ATP8A1: variants seen among roughly 807,000 people sequenced by gnomAD.
The protein encoded by ATP8A1 is phospholipid-transporting ATPase IA.
A neutral mutation model predicts 177.7 loss-of-function variants in ATP8A1; 90 were observed. That is an observed-to-expected ratio of 0.51 (90% CI 0.43 to 0.60). The LOEUF (loss-of-function observed/expected upper bound fraction) is 0.60. Ranked by LOEUF, ATP8A1 falls within the 20% of genes least tolerant of loss-of-function variation. The probability of loss-of-function intolerance (pLI) is 0.00; values close to 1 mark genes in which losing one functional copy is unlikely to be tolerated. For synonymous variants in ATP8A1, 493 were observed against 485.9 expected (o/e 1.01, Z -0.19); for missense variants, 1,072 against 1,392.8 (o/e 0.77, Z 3.67).
intron 25 of ATP8A1, among the ~76,000 whole-genome samples, chr4:42,474,002 A>T (rs997941534): frequency 3.3e-5 from 5 of 152,116 alleles, no homozygotes; most frequent in Admixed American, 3.3e-4. Context: ...TCTCTGCCTC[A>T]TGACCTTCCT....
In ATP8A1 at chr4:42,575,674, G is replaced by C; in HGVS notation, c.1154C>G (p.Thr385Arg). 1 of 1,613,602 alleles carries C rather than the reference G, an allele frequency of 6.2e-7. No individual in the cohort carries two copies. Among genetic ancestry groups the C allele is most frequent in the Non-Finnish European group, 8.5e-7 (1 of 1,179,666 alleles). ...NWDLDMHYEP[T>R]DTAAMARTSN... The stretch of plus-strand genomic sequence containing the variant: ...TGTTCGAGCCATAGCAGCAGTGTCT[G>C]TGGGTTCATAGTGCATGTCAAGATC... Residue 385 changes from threonine (T) to arginine (R), a missense_variant, in exon 13 of 37, where the codon ACA becomes AGA. By Grantham distance (71) the Thr-to-Arg change is moderately conservative (BLOSUM62 -1). Coordinates refer to ENST00000381668, the MANE Select transcript of ATP8A1 (RefSeq NM_006095.2).
chr4:42,572,316 T>G (rs559843064), intron 14 of ATP8A1, among the ~76,000 whole-genome samples: 10 of 148,954 alleles, frequency 6.7e-5, no homozygotes, highest in Middle Eastern at 3.4e-3. Context: ...ATTCCCATAA[T>G]CCAAGAGTGC....
At chr4:42,485,104 G>C (rs1370939130) in intron 25 of ATP8A1, among the ~76,000 whole-genome samples, 1 of 152,104 alleles carries the variant, frequency 6.6e-6, no homozygotes, top group African/African-American at 2.4e-5. Context: ...AAAATGCCCA[G>C]CTATTTGGAA....
At chr4:42,577,457 T>C (rs1263049998) in intron 12 of ATP8A1, among the ~76,000 whole-genome samples, 1 of 152,156 alleles carries the variant, frequency 6.6e-6, no homozygotes, top group Non-Finnish European at 1.5e-5. Flanking sequence ...GTCATATTTT[T>C]CGAAACCCTA....
intron 16 of ATP8A1, 38 bp downstream of exon 16, chr4:42,555,929 TA>T: frequency 1.4e-6 from 2 of 1,399,954 alleles, no homozygotes; most frequent in Non-Finnish European, 2.0e-6. Flanking sequence ...CATTAGTTTT[TA>T]TTCACTAACA....
At chr4:42,486,599 G>T (rs552892434) in intron 24 of ATP8A1, among the ~76,000 whole-genome samples, 6 of 152,208 alleles carry the variant, frequency 3.9e-5, no homozygotes, top group African/African-American at 1.4e-4. Flanking sequence ...GTTAAAAATC[G>T]TGTTAATTTA....
At chr4:42,551,536 T>C (rs907185263) in intron 17 of ATP8A1, among the ~76,000 whole-genome samples, 2 of 152,206 alleles carry the variant, frequency 1.3e-5, no homozygotes, top group Admixed American at 6.5e-5. Context: ...TAGTCACAAA[T>C]TCCTAAGAAG....
intron 19 of ATP8A1, among the ~76,000 whole-genome samples, chr4:42,545,558 A>G (rs1238792760): frequency 6.6e-6 from 1 of 152,204 alleles, no homozygotes; most frequent in East Asian, 1.9e-4. Flanking sequence ...ACATTCCAAC[A>G]AGCTTGCTCT....
intron 1 of ATP8A1, among the ~76,000 whole-genome samples, chr4:42,649,130 G>C (rs114039608): frequency 4.6e-5 from 7 of 152,140 alleles, no homozygotes; most frequent in Non-Finnish European, 1.0e-4. Flanking sequence ...AAACTGAAAT[G>C]ACCTAAATGT....
chr4:42,632,778 G>A (rs889328993), intron 1 of ATP8A1, among the ~76,000 whole-genome samples: 2 of 152,264 alleles, frequency 1.3e-5, no homozygotes, highest in African/African-American at 2.4e-5. Flanking sequence ...CCACTTAGGG[G>A]CTGTGAGGTG....
Position 42,423,641 on chromosome 4 carries a change from A to T in ATP8A1, c.3188T>A (p.Leu1063Gln), listed in dbSNP as rs1397687838. ...CACCTTGTACACCACATCAAGGAGC[A>T]GAGATGCCACAGGGATGAATAACAA... ...MGLLFIPVAS[L>Q]LLDVVYKVIK... The change falls in exon 34 of 37, where the codon CTG (leucine) becomes CAG (glutamine). Residue 1063 changes from leucine (L) to glutamine (Q), a missense_variant. By Grantham distance (113) the Leu-to-Gln change is moderately radical. Coordinates refer to ENST00000381668, the MANE Select transcript of ATP8A1 (RefSeq NM_006095.2). 6.2e-7 allele frequency: 1 copy of T among 1,612,358 alleles called. No individual in the cohort carries two copies. Among genetic ancestry groups the T allele is most frequent in the Non-Finnish European group, 8.5e-7 (1 of 1,179,192 alleles).
At chr4:42,529,464 G>A (rs1175450435) in intron 20 of ATP8A1, among the ~76,000 whole-genome samples, 1 of 152,194 alleles carries the variant, frequency 6.6e-6, no homozygotes, top group African/African-American at 2.4e-5. Flanking sequence ...CATCAAGTGG[G>A]TCATGCACCA....
intron 5 of ATP8A1, among the ~76,000 whole-genome samples, chr4:42,606,106 T>A (rs1563846): frequency 0.57 from 86,308 of 152,050 alleles, 24,660 homozygotes; most frequent in South Asian, 0.67. Context: ...CTTTAATGAA[T>A]AGCAGAGATA....
At chr4:42,548,867 T>C in intron 19 of ATP8A1, 146 bp downstream of exon 19, 2 of 633,340 alleles carry the variant, frequency 3.2e-6, no homozygotes, top group Admixed American at 3.4e-5. Flanking sequence ...GAATAAAAAA[T>C]GTACTAAAGA....
chr4:42,544,877 C>A (rs888083155), intron 19 of ATP8A1, among the ~76,000 whole-genome samples: 2 of 152,072 alleles, frequency 1.3e-5, no homozygotes, highest in Non-Finnish European at 2.9e-5. Flanking sequence ...TATTTCAGTT[C>A]CCGGCCTGGC....
intron 1 of ATP8A1, among the ~76,000 whole-genome samples, chr4:42,641,650 A>C (rs1470899854): frequency 6.6e-6 from 1 of 152,236 alleles, no homozygotes. Context: ...CATTGACTTC[A>C]GTAGCAGTGT....
chr4:42,575,565 ACCACACCAAATCTAACTTTTTAATT>A (rs1162359282), intron 13 of ATP8A1, 32 bp downstream of exon 13: 24 of 1,445,344 alleles, frequency 1.7e-5, no homozygotes, highest in Non-Finnish European at 2.2e-5. Context: ...TATGGCAGAT[ACCACACCAAATCTAACTTTTTAATT>A]CCACACATAA....
chr4:42,612,625 A>G (rs1388527819), intron 5 of ATP8A1, among the ~76,000 whole-genome samples: 2 of 151,674 alleles, frequency 1.3e-5, no homozygotes, highest in African/African-American at 4.8e-5. Flanking sequence ...TGAATCATCA[A>G]CCAAACCAGC....
chr4:42,465,944 A>C (rs1719702524), intron 25 of ATP8A1, among the ~76,000 whole-genome samples: 1 of 146,686 alleles, frequency 6.8e-6, no homozygotes, highest in Admixed American at 7.0e-5. Context: ...AGGCAGGAGA[A>C]TGGAGTGAAC....
Sources: allele counts gnomAD v4.1 joint callset (sites outside exome capture counted in the v4.1 genomes callset), GRCh38; gene constraint gnomAD v4.1.1; transcripts MANE v1.5; gene names NCBI Gene and HGNC (gene_info 2026-07-23, HGNC 2026-07-21).